Variants in RABGGTA observed in about 807,000 individuals in gnomAD.
RABGGTA encodes the protein geranylgeranyl transferase type-2 subunit alpha.
RABGGTA carries 69 observed loss-of-function variants against 83.3 expected under a neutral mutation model. The observed-to-expected ratio is 0.83, with a 90% confidence interval of 0.68 to 1.01. The LOEUF is 1.01. Among genes scored for constraint, RABGGTA ranks in the 50% least tolerant of loss-of-function variants. The pLI is 0.00. For synonymous variants in RABGGTA, 310 were observed against 299.8 expected, an observed-to-expected ratio of 1.03 and a Z score of -0.35; for missense variants, 681 against 712.7, an observed-to-expected ratio of 0.96 and a Z score of 0.51.
rs758459880 is a variant in RABGGTA at position 24,271,102 on chromosome 14, A to G, written c.3+11T>C. The G allele has an allele frequency of 5.8e-6, 9 of 1,558,200 alleles. No individual in the cohort carries two copies. Among genetic ancestry groups the G allele is most frequent in the Non-Finnish European group, 7.8e-6 (9 of 1,151,838 alleles). On this transcript the variant is annotated intron_variant, in intron 2 of 16. Transcript: ENST00000216840. The stretch of plus-strand genomic sequence containing the variant: ...CCTGCGGAGGTGAAGGGCTGGGCTC[A>G]GGGTTCTCACCATGGTGCCGGCTCA...
chr14:24,267,529 A>T (rs1270242528), intron 14 of RABGGTA, 131 bp downstream of exon 14: 2 of 682,996 alleles, frequency 2.9e-6, no homozygotes, highest in Non-Finnish European at 5.0e-6. Flanking sequence ...AAGAGGAGCA[A>T]GCTGGGAGGC....
chr14:24,267,881 G>A lies in RABGGTA; in HGVS notation c.1225C>T (p.Gln409Ter), dbSNP rs2040893917. 1.2e-6 allele frequency: 2 copies of A among 1,613,718 alleles called. No homozygotes were observed. Among genetic ancestry groups the A allele is most frequent in the African/African-American group, 1.3e-5 (1 of 74,972 alleles). ...CAGACAGAACTTGCCTTGAGGGTCT[G>A]GAAGTACTGCAGGGTCTCCTTCTCA... ...LYEKETLQYF[Q>*]TLKAVDPMRA... The change falls in exon 13 of 17, where the codon CAG (glutamine) becomes TAG (stop). Residue 409 changes from glutamine (Q) to a stop codon, truncating the protein, a stop_gained. Coordinates refer to ENST00000216840, the MANE Select transcript of RABGGTA (RefSeq NM_182836.3). LOFTEE classifies it high-confidence loss of function.
rs770583579 is a variant in RABGGTA, at chr14:24,265,623, G to A, written c.1696C>T (p.Leu566Phe). The A allele has an allele frequency of 6.2e-7, 1 of 1,613,532 alleles. No homozygotes were observed. Among genetic ancestry groups the A allele is most frequent in the Non-Finnish European group, 8.5e-7 (1 of 1,179,710 alleles). ...GTAGGGGGCAGGGCCTCTTAGGTGA[G>A]GACGCTGCTAACTGAAGGCAGCAGT... ...AELLPSVSSV[L>F]T Residue 566 changes from leucine to phenylalanine, a missense_variant, in exon 17 of 17, where the codon CTC becomes TTC. Leu to Phe is a conservative substitution (Grantham distance 22, BLOSUM62 0). Around this residue, in one of 5 missense-constraint regions of RABGGTA, gnomAD observed 421 missense variants for 418.5 expected, o/e 1.01. Coordinates refer to ENST00000216840, the MANE Select transcript of RABGGTA (RefSeq NM_182836.3).
intron 15 of RABGGTA, 76 bp from the exon 16 acceptor site, chr14:24,266,593 T>C: frequency 7.0e-7 from 1 of 1,420,282 alleles, no homozygotes; most frequent in Non-Finnish European, 9.9e-7. Context: ...GAGCTCAGGG[T>C]GACGGGTCCA....
In RABGGTA at chr14:24,265,773, G is replaced by T; in HGVS notation, c.1556-10C>A. 2 of 1,599,374 alleles carry T rather than the reference G, an allele frequency of 1.3e-6. No homozygotes were observed. Among genetic ancestry groups the T allele is most frequent in the East Asian group, 2.2e-5 (1 of 44,482 alleles). ...GCAGGCTGCTGGAGGCCTTGTTCAG[G>T]AGAGTCAAGGAAAGCTTGGCAGGTT... On this transcript the variant is annotated splice_polypyrimidine_tract_variant and intron_variant, in intron 16 of 16. Transcript: ENST00000216840.
chr14:24,269,231 C>G, intron 6 of RABGGTA, 68 bp from the exon 7 acceptor site: 2 of 1,407,216 alleles, frequency 1.4e-6, no homozygotes, highest in East Asian at 2.4e-5. Flanking sequence ...CTCCAACACC[C>G]TACCCTCTCC....
chr14:24,267,856 C>T lies in RABGGTA; in HGVS notation c.1236+14G>A. The T allele has an allele frequency of 6.2e-7, 1 of 1,612,914 alleles. No homozygotes were observed. Among genetic ancestry groups the T allele is most frequent in the Non-Finnish European group, 8.5e-7 (1 of 1,179,272 alleles). On this transcript the variant is annotated intron_variant, in intron 13 of 16. Coordinates refer to ENST00000216840, the MANE Select transcript of RABGGTA (RefSeq NM_182836.3). ...CTGGGCCTCCCCCTGGTCTGTTCTG[C>T]AGACAGAACTTGCCTTGAGGGTCTG...
chr14:24,268,933 ACAGT>A lies in RABGGTA; in HGVS notation c.772_775del (p.Thr258SerfsTer8). The A allele has an allele frequency of 6.3e-7, 1 of 1,586,924 alleles. No individual in the cohort carries two copies. On this transcript the variant is annotated frameshift_variant, in exon 8 of 17. Coordinates refer to ENST00000216840, the MANE Select transcript of RABGGTA (RefSeq NM_182836.3). LOFTEE classifies it high-confidence loss of function. ...CACTAAGAGGGGCCGAGAGAAGGAG[ACAGT>A]CAGACAGGCCTCGTCCCGGCTCACA...
At position 24,268,997 on chromosome 14, in the gene RABGGTA, C is replaced by A; in HGVS notation, c.716-4G>T. On this transcript the variant is annotated splice_region_variant and splice_polypyrimidine_tract_variant and intron_variant, in intron 7 of 16. Transcript: ENST00000216840. Reference sequence around the variant, plus strand: ...CGCAGTGCATCCTGGGGGTCAGCTGCGGGGAGACAGTGTCAGATTTCTTTA... The same window carrying A: ...CGCAGTGCATCCTGGGGGTCAGCTGAGGGGAGACAGTGTCAGATTTCTTTA... The A allele has an allele frequency of 6.3e-7, 1 of 1,580,592 alleles. No individual in the cohort carries two copies.
In RABGGTA at chr14:24,270,420, C is replaced by T; in HGVS notation, c.153G>A (p.Leu51=). The change falls in exon 4 of 17, where the codon CTG becomes CTA. Residue 51 remains leucine (L), a synonymous_variant. Transcript: ENST00000216840. ...AGELDESVLE[L]TSQILGANPD... Reference sequence around the variant, plus strand: ...GGTTGGCTCCCAGAATCTGGCTTGTCAGTTCCAGCACGGACTCATCCAGCT... The same window carrying T: ...GGTTGGCTCCCAGAATCTGGCTTGTTAGTTCCAGCACGGACTCATCCAGCT... The T allele has an allele frequency of 6.2e-7, 1 of 1,614,022 alleles. No individual in the cohort carries two copies. Among genetic ancestry groups the T allele is most frequent in the Non-Finnish European group, 8.5e-7 (1 of 1,179,898 alleles).
In RABGGTA at chr14:24,267,982, A is replaced by G. The variant is rs921432911; in HGVS notation, c.1148-24T>C. On this transcript the variant is annotated intron_variant, in intron 12 of 16. Transcript: ENST00000216840. ...CCCTGAGGAGAGGGCAGGGAAAAGGAGGGTTTCTCTTGGAACCTCCTCTGC... is the reference window on the plus strand; with the variant it reads ...CCCTGAGGAGAGGGCAGGGAAAAGGGGGGTTTCTCTTGGAACCTCCTCTGC... 9 of 1,611,134 alleles carry G rather than the reference A, an allele frequency of 5.6e-6. No individual in the cohort carries two copies. In the Middle Eastern group the frequency reaches 5.1e-4, roughly 91 times the overall value.
In RABGGTA at chr14:24,268,749, G is replaced by A. The variant is rs1324646675; in HGVS notation, c.876C>T (p.Gly292=). 1 of 1,587,180 alleles carries A rather than the reference G, an allele frequency of 6.3e-7. No homozygotes were observed. The highest frequency in any genetic ancestry group is 8.6e-7 in the Non-Finnish European group (1 of 1,166,924). The change falls in exon 9 of 17, where the codon GGC becomes GGT. Residue 292 remains glycine, a synonymous_variant. Coordinates refer to ENST00000216840, the MANE Select transcript of RABGGTA (RefSeq NM_182836.3). ...PLIVEWRTPD[G]RNRPSHVWLC... ...CCCAGACATGGCTGGGCCGGTTCCT[G>A]CCATCTGGGGTCCTCCACTCCACAA...
At position 24,268,210 on chromosome 14, in the gene RABGGTA, C is replaced by T; in HGVS notation, c.1059-12G>A. 7.8e-7 allele frequency: 1 copy of T among 1,278,788 alleles called. No homozygotes were observed. The highest frequency in any genetic ancestry group is 2.0e-4 in the Middle Eastern group (1 of 5,052). The allele number at this position is 1,278,788 out of a possible 1,614,324, so 79.2% of individuals were successfully genotyped here. A position where few individuals can be genotyped will look rare whatever the true frequency, so the allele number is the denominator to read the frequency against. ...CTGACAGCTCACACCTGAGGGTGGG[C>T]AGGGTGGGGAGGAGTTGAGGCCCAC... On this transcript the variant is annotated splice_polypyrimidine_tract_variant and intron_variant, in intron 11 of 16. Coordinates refer to ENST00000216840, the MANE Select transcript of RABGGTA (RefSeq NM_182836.3).
Position 24,265,552 on chromosome 14 carries a change from G to T in RABGGTA, c.*63C>A. 6.4e-7 allele frequency: 1 copy of T among 1,563,776 alleles called. No individual in the cohort carries two copies. The highest frequency in any genetic ancestry group is 8.7e-7 in the Non-Finnish European group (1 of 1,151,120). ...GCGACAACAGCTTGGTAGCCTGAGAGGGCCTCTCCATTCTTTATTCAGTCC... is the reference window on the plus strand; with the variant it reads ...GCGACAACAGCTTGGTAGCCTGAGATGGCCTCTCCATTCTTTATTCAGTCC... On this transcript the variant is annotated 3_prime_UTR_variant, in exon 17 of 17. Transcript: ENST00000216840.
Position 24,270,878 on chromosome 14 carries a change from G to A in RABGGTA, c.73C>T (p.Leu25=), listed in dbSNP as rs748121741. The A allele has an allele frequency of 1.9e-6, 3 of 1,614,030 alleles. No individual in the cohort carries two copies. In the Admixed American group the frequency reaches 5.0e-5, roughly 27 times the overall value. The change falls in exon 3 of 17, where the codon CTG becomes TTG. Residue 25 remains leucine (L), a synonymous_variant. Transcript: ENST00000216840. ...TGGGTGGCTGACTGGTATAGCTTCA[G>A]CTTCTGCTCTCGCTCTAGCCTTTTG... The part of the protein sequence containing the change: ...EAKRLEREQK[L]KLYQSATQAV...
chr14:24,268,417 C>A lies in RABGGTA; in HGVS notation c.1010G>T (p.Arg337Leu), dbSNP rs200570806. The A allele has an allele frequency of 9.3e-6, 15 of 1,613,510 alleles. No homozygotes were observed. The highest frequency in any genetic ancestry group is 2.2e-5 in the South Asian group (2 of 91,074). ...GGAGTCCCGGCACCAGCCCTCCTGG[C>A]GGCCTGGGGAAAGAGTAGGTGGTTG... The part of the protein sequence containing the change: ...VQKECVLLKG[R>L]QEGWCRDSTT... The change falls in exon 11 of 17, where the codon CGC becomes CTC. Residue 337 changes from arginine (R) to leucine (L), a missense_variant. Physicochemically the swap from Arg to Leu is moderately radical, Grantham distance 102. Coordinates refer to ENST00000216840, the MANE Select transcript of RABGGTA (RefSeq NM_182836.3).
At chr14:24,266,002 TATG>T (rs2040868904) in intron 16 of RABGGTA, among the ~76,000 whole-genome samples, 1 of 152,060 alleles carries the variant, frequency 6.6e-6, no homozygotes, top group Non-Finnish European at 1.5e-5. Context: ...TGGTGCAGGG[TATG>T]ATAAGGTGGA....
intron 16 of RABGGTA, among the ~76,000 whole-genome samples, chr14:24,266,179 T>C (rs900393473): frequency 6.6e-6 from 1 of 152,202 alleles, no homozygotes; most frequent in Non-Finnish European, 1.5e-5. Context: ...AAAAACTACA[T>C]AGACCTGAAG....
At chr14:24,266,706 G>T in intron 15 of RABGGTA, 70 bp downstream of exon 15, 1 of 1,416,088 alleles carries the variant, frequency 7.1e-7, no homozygotes, top group Non-Finnish European at 1.0e-6. Flanking sequence ...TTGTAGGATG[G>T]GCAGACTTCT....
Sources: gnomAD v4.1 joint callset for allele counts (sites outside exome capture counted in the v4.1 genomes callset) on GRCh38, gnomAD v4.1.1 for gene constraint, gnomAD v4.1.1 regional missense constraint, MANE v1.5 for transcripts, NCBI Gene and HGNC (gene_info 2026-07-23, HGNC 2026-07-21) for gene names.